ARHGEF28: variants seen among roughly 807,000 people sequenced by gnomAD.
The protein encoded by ARHGEF28 is Rho guanine nucleotide exchange factor 28.
ARHGEF28 carries 152 observed loss-of-function variants against 206.6 expected under a neutral mutation model. That is an observed-to-expected ratio of 0.74 (90% CI 0.64 to 0.84). The LOEUF (loss-of-function observed/expected upper bound fraction) is 0.84, where lower values mean the gene tolerates loss of function less well. Among genes scored for constraint, ARHGEF28 ranks in the 40% least tolerant of loss-of-function variants. The probability of loss-of-function intolerance (pLI) is 0.00; values close to 1 mark genes in which losing one functional copy is unlikely to be tolerated. For synonymous variants in ARHGEF28, 763 were observed against 776.4 expected, an observed-to-expected ratio of 0.98 and a Z score of 0.29; for missense variants, 2,028 against 2,073.2, an observed-to-expected ratio of 0.98 and a Z score of 0.42.
rs1021818755 is a variant in ARHGEF28, at chr5:73,940,963, C to G, written c.5068C>G (p.Gln1690Glu). 3 of 1,532,236 alleles carry G rather than the reference C, an allele frequency of 2.0e-6. No homozygotes were observed. The highest frequency in any genetic ancestry group is 2.0e-5 in the Admixed American group (1 of 49,642). 94.9% of individuals were successfully genotyped at this position (1,532,236 alleles called of 1,614,324 possible). A position where few individuals can be genotyped will look rare whatever the true frequency, so the allele number is the denominator to read the frequency against. Residue 1690 changes from glutamine (Q) to glutamate (E), a missense_variant, in exon 36 of 36, where the codon CAA becomes GAA. By Grantham distance (29) the Gln-to-Glu change is conservative. Around this residue, in one of 3 missense-constraint regions of ARHGEF28, gnomAD observed 803 missense variants for 768.0 expected, o/e 1.05. Transcript: ENST00000513042. ...TCTACCGACAAGGACAATGACCAGACAAGATGGGGAAACTGGAGATGGAGC... is the reference window on the plus strand; with the variant it reads ...TCTACCGACAAGGACAATGACCAGAGAAGATGGGGAAACTGGAGATGGAGC... The part of the protein sequence containing the change: ...LNLPTRTMTR[Q>E]DGETGDGAKE...
At chr5:73,874,085 A>G (rs977557723) in intron 22 of ARHGEF28, among the ~76,000 whole-genome samples, 2 of 152,206 alleles carry the variant, frequency 1.3e-5, no homozygotes, top group African/African-American at 4.8e-5. Flanking sequence ...ATAAAGTAAT[A>G]TCTCATTATG....
intron 1 of ARHGEF28, among the ~76,000 whole-genome samples, chr5:73,669,297 A>G (rs1035355164): frequency 1.3e-5 from 2 of 152,206 alleles, no homozygotes; most frequent in African/African-American, 4.8e-5. Context: ...AACACCACCT[A>G]TAGTAGCCAC....
intron 6 of ARHGEF28, chr5:73,778,308 T>G (rs1056448470): frequency 6.6e-6 from 1 of 152,196 alleles, no homozygotes; most frequent in Non-Finnish European, 1.5e-5. Flanking sequence ...ATTTGCTTCA[T>G]TATAAAATCT....
At chr5:73,843,702 A>G (rs957283211) in intron 11 of ARHGEF28, among the ~76,000 whole-genome samples, 13 of 152,204 alleles carry the variant, frequency 8.5e-5, no homozygotes, top group African/African-American at 2.2e-4. Context: ...TATGTATACT[A>G]TGTAACCATT....
rs569967699 is a variant in ARHGEF28 at position 73,668,637 on chromosome 5, T to C, written c.-11-16204T>C. ...GAACCACAGTAACCACCCATATACATTTTTCTCAATAGCCCTGGAAGTGGT... is the reference window on the plus strand; with the variant it reads ...GAACCACAGTAACCACCCATATACACTTTTCTCAATAGCCCTGGAAGTGGT... On this transcript the variant is annotated intron_variant, in intron 1 of 35. Coordinates refer to ENST00000513042, the MANE Select transcript of ARHGEF28 (RefSeq NM_001177693.2). Among the ~76,000 whole-genome samples the C allele has an allele frequency of 2.6e-5, 4 of 152,286 alleles. No homozygotes were observed. In the South Asian group the frequency reaches 8.3e-4, roughly 32 times the overall value.
At chr5:73,793,907 T>C (rs1754636504) in intron 7 of ARHGEF28, among the ~76,000 whole-genome samples, 1 of 152,062 alleles carries the variant, frequency 6.6e-6, no homozygotes, top group African/African-American at 2.4e-5. Flanking sequence ...AGGTTGGAGC[T>C]GAGGGCTATG....
At chr5:73,689,089 C>T (rs1747656522) in intron 2 of ARHGEF28, among the ~76,000 whole-genome samples, 1 of 152,126 alleles carries the variant, frequency 6.6e-6, no homozygotes, top group African/African-American at 2.4e-5. Flanking sequence ...CTTTTTATGC[C>T]CACGTAGTTT....
At chr5:73,829,505 G>A (rs538906862) in intron 9 of ARHGEF28, among the ~76,000 whole-genome samples, 19 of 152,096 alleles carry the variant, frequency 1.2e-4, no homozygotes, top group Middle Eastern at 3.4e-3. Flanking sequence ...TCAGCCTTCC[G>A]AGTAGCTGGG....
At chr5:73,939,962 A>AGCAGGTGG (rs1742496216) in intron 35 of ARHGEF28, among the ~76,000 whole-genome samples, 1 of 152,112 alleles carries the variant, frequency 6.6e-6, no homozygotes. Context: ...CTGAAAAATA[A>AGCAGGTGG]GCAGGTGGGC....
intron 9 of ARHGEF28, 66 bp downstream of exon 9, chr5:73,795,457 A>C: frequency 2.9e-6 from 4 of 1,357,480 alleles, no homozygotes; most frequent in Non-Finnish European, 4.1e-6. Context: ...AGTGGACAAG[A>C]AGCAAGTAAA....
Position 73,898,064 on chromosome 5 carries a change from C to A in ARHGEF28, c.3944C>A (p.Ser1315Tyr). The stretch of plus-strand genomic sequence containing the variant: ...TCTGTCTTGGCGGACACACTCAGTT[C>A]TCATGATGTACCAGGATCACCGACT... ...GDSVLADTLS[S>Y]HDVPGSPTAS... Residue 1315 changes from serine to tyrosine, a missense_variant, in exon 30 of 36, where the codon TCT (serine) becomes TAT (tyrosine). Ser to Tyr is a moderately radical substitution (Grantham distance 144). Transcript: ENST00000513042. 6.2e-7 allele frequency: 1 copy of A among 1,612,180 alleles called. No individual in the cohort carries two copies. The highest frequency in any genetic ancestry group is 1.1e-5 in the South Asian group (1 of 90,360).
chr5:73,674,788 A>G (rs1195823191), intron 1 of ARHGEF28, among the ~76,000 whole-genome samples: 1 of 152,220 alleles, frequency 6.6e-6, no homozygotes, highest in Non-Finnish European at 1.5e-5. Flanking sequence ...AGTCATGCTT[A>G]TGTAATGAAG....
intron 2 of ARHGEF28, among the ~76,000 whole-genome samples, chr5:73,721,401 A>G (rs1337400213): frequency 6.6e-6 from 1 of 152,100 alleles, no homozygotes; most frequent in Non-Finnish European, 1.5e-5. Context: ...AGCATTACCT[A>G]CTTAGATCCT....
chr5:73,929,562 A>C (rs948968392), intron 35 of ARHGEF28, among the ~76,000 whole-genome samples: 1 of 152,226 alleles, frequency 6.6e-6, no homozygotes, highest in Non-Finnish European at 1.5e-5. Flanking sequence ...GTAGTTTAAT[A>C]CATTCTTTAA....
In ARHGEF28 at chr5:73,852,709, C is replaced by T; in HGVS notation, c.1790+17C>T. The T allele has an allele frequency of 1.2e-6, 2 of 1,612,366 alleles. No homozygotes were observed. The highest frequency in any genetic ancestry group is 2.2e-5 in the East Asian group (1 of 44,856). On this transcript the variant is annotated intron_variant, in intron 14 of 35. Coordinates refer to ENST00000513042, the MANE Select transcript of ARHGEF28 (RefSeq NM_001177693.2). ...AGAAAACAGGTACTTTTAACTATTC[C>T]AATTTTCCTGAGGAACTGCATGATC...
intron 2 of ARHGEF28, among the ~76,000 whole-genome samples, chr5:73,691,347 G>A (rs1251702897): frequency 1.3e-5 from 2 of 151,872 alleles, no homozygotes; most frequent in Non-Finnish European, 2.9e-5. Flanking sequence ...GGAATTATAC[G>A]GGAATGCTGT....
In ARHGEF28 at chr5:73,840,617, A is replaced by G. The variant is rs754752201; in HGVS notation, c.1284A>G (p.Pro428=). Residue 428 remains proline, a synonymous_variant, in exon 11 of 36, where the codon CCA becomes CCG. Coordinates refer to ENST00000513042, the MANE Select transcript of ARHGEF28 (RefSeq NM_001177693.2). ...CAGAAACCAGTCCCAGTGTGTACCC[A>G]CTTAGTGAAAATGTCGAAGGGACAG... is the stretch of plus-strand genomic sequence containing the variant. ...LPTETSPSVY[P]LSENVEGTAH... 1 of 1,613,974 alleles carries G rather than the reference A, an allele frequency of 6.2e-7. No individual in the cohort carries two copies. The highest frequency in any genetic ancestry group is 8.5e-7 in the Non-Finnish European group (1 of 1,179,872).
At chr5:73,868,874 T>A (rs1323800169) in intron 20 of ARHGEF28, among the ~76,000 whole-genome samples, 5 of 152,206 alleles carry the variant, frequency 3.3e-5, no homozygotes, top group Non-Finnish European at 7.3e-5. Context: ...CTTGAACTCC[T>A]GACCTCAGGT....
intron 9 of ARHGEF28, among the ~76,000 whole-genome samples, chr5:73,806,383 TATATAGATATATATAC>T (rs1376255126): frequency 4.7e-5 from 6 of 127,662 alleles, no homozygotes; most frequent in Non-Finnish European, 7.9e-5. Context: ...TATATATAGA[TATATAGATATATATAC>T]ATATATAGAT....
Sources: allele counts gnomAD v4.1 joint callset (sites outside exome capture counted in the v4.1 genomes callset), GRCh38; gene constraint gnomAD v4.1.1; regional missense constraint gnomAD v4.1.1; transcripts MANE v1.5; gene names NCBI Gene and HGNC (gene_info 2026-07-23, HGNC 2026-07-21).